The following SNX17 variants were observed in gnomAD, a reference collection of about 807,000 sequenced individuals.
The protein encoded by SNX17 is sorting nexin-17.
A neutral mutation model predicts 64.3 loss-of-function variants in SNX17; 35 were observed. The observed-to-expected ratio is 0.54, with a 90% CI of 0.42 to 0.72. The LOEUF is 0.72. Ranked by LOEUF, SNX17 falls within the 30% of genes least tolerant of loss-of-function variation. The pLI, the probability that SNX17 is intolerant of heterozygous loss-of-function variation, is 0.00. For synonymous variants in SNX17, 259 were observed against 230.2 expected (o/e 1.13, Z -1.13); for missense variants, 538 against 610.0 (o/e 0.88, Z 1.24).
intron 5 of SNX17, 56 bp downstream of exon 5, chr2:27,374,027 T>A: frequency 6.2e-7 from 1 of 1,610,134 alleles, no homozygotes. Flanking sequence ...GGTCCTGGGC[T>A]TGGAGAATGA....
intron 2 of SNX17, chr2:27,371,655 G>A (rs1682566284): frequency 7.7e-6 from 2 of 260,876 alleles, no homozygotes; most frequent in South Asian, 1.0e-4. Context: ...GGCTGTCAAA[G>A]CACATTCCTT....
At chr2:27,372,580 T>G in intron 2 of SNX17, 43 bp from the exon 3 acceptor site, 3 of 1,613,756 alleles carry the variant, frequency 1.9e-6, no homozygotes, top group Non-Finnish European at 2.5e-6. Flanking sequence ...CTCATCTCAT[T>G]TTCTGTGTTT....
Position 27,377,194 on chromosome 2 carries a change from G to A in SNX17, c.*475G>A. On this transcript the variant is annotated 3_prime_UTR_variant, in exon 15 of 15. Coordinates refer to ENST00000233575, the MANE Select transcript of SNX17 (RefSeq NM_014748.4). This position sits in a 1 kb window ranked among gnomAD's most constrained non-coding sequence, Gnocchi z 4.4. ...GCATGGACTACTATGCTAAGGGTAA[G>A]GCCAAATTGCCTGCCATTGCCAATT... 13 of 473,416 alleles carry A rather than the reference G, an allele frequency of 2.7e-5. No homozygotes were observed. Among genetic ancestry groups the A allele is most frequent in the South Asian group, 2.3e-4 (11 of 48,886 alleles). The allele number at this position is 473,416 out of a possible 1,614,324, so 29.3% of individuals were successfully genotyped here.
At chr2:27,374,018 G>T in intron 5 of SNX17, 47 bp downstream of exon 5, 1 of 1,609,082 alleles carries the variant, frequency 6.2e-7, no homozygotes, top group South Asian at 1.1e-5. Context: ...ACATCCTGGG[G>T]TCCTGGGCTT....
chr2:27,374,811 T>C (rs1683000973), intron 8 of SNX17, 53 bp downstream of exon 8: 19 of 1,538,874 alleles, frequency 1.2e-5, no homozygotes, highest in Non-Finnish European at 1.7e-5. Flanking sequence ...AACGGGTGAC[T>C]CACTCTCCCA....
chr2:27,371,599 A>G (rs1682555004), intron 2 of SNX17: 1 of 564,568 alleles, frequency 1.8e-6, no homozygotes, highest in African/African-American at 2.0e-5. Context: ...AGTAGCCTTT[A>G]CCCCTGCATG....
chr2:27,374,911 C>G, intron 8 of SNX17, 150 bp from the exon 9 acceptor site: 5 of 973,034 alleles, frequency 5.1e-6, no homozygotes, highest in Non-Finnish European at 6.4e-6. Context: ...ACTCTCCCTA[C>G]TTTTATTAAG....
chr2:27,370,875 C>G, intron 1 of SNX17, 69 bp downstream of exon 1: 1 of 1,496,190 alleles, frequency 6.7e-7, no homozygotes, highest in Admixed American at 2.1e-5. Flanking sequence ...CATCTCGGAG[C>G]GGCCTCTGAG....
At position 27,374,170 on chromosome 2, in the gene SNX17, T is replaced by C; in HGVS notation, c.518T>C (p.Phe173Ser). The C allele has an allele frequency of 6.2e-7, 1 of 1,613,808 alleles. No individual in the cohort carries two copies. Among genetic ancestry groups the C allele is most frequent in the Non-Finnish European group, 8.5e-7 (1 of 1,179,956 alleles). Reference protein sequence around the residue: ...FLVREKEDGAFSFVRKLQEFE... With the variant: ...FLVREKEDGASSFVRKLQEFE... ...GTTCGAGAAAAAGAGGATGGAGCCT[T>C]TTCTTGTGAGTTTCTCTGGACTTGA... Residue 173 changes from phenylalanine (F) to serine (S), a missense_variant, in exon 6 of 15, where the codon TTT becomes TCT. Coordinates refer to ENST00000233575, the MANE Select transcript of SNX17 (RefSeq NM_014748.4).
Position 27,375,017 on chromosome 2 carries a change from G to C in SNX17, c.682-44G>C. 6.4e-7 allele frequency: 1 copy of C among 1,561,374 alleles called. No homozygotes were observed. On this transcript the variant is annotated intron_variant, in intron 8 of 14. Coordinates refer to ENST00000233575, the MANE Select transcript of SNX17 (RefSeq NM_014748.4). The surrounding 1 kb of genome is among the most constrained non-coding windows in gnomAD (Gnocchi z 4.1). The stretch of plus-strand genomic sequence containing the variant: ...TAATGGTAGACGCTTTCCTTGGATT[G>C]CTGACTGGGACCTCCTACTGCCTGC...
At chr2:27,373,381 G>T in intron 4 of SNX17, 70 bp downstream of exon 4, 1 of 1,525,030 alleles carries the variant, frequency 6.6e-7, no homozygotes, top group South Asian at 1.1e-5. Context: ...TTATTTTTTT[G>T]AGACAGAGTC....
intron 1 of SNX17, 104 bp downstream of exon 1, chr2:27,370,910 G>A: frequency 1.5e-6 from 2 of 1,305,938 alleles, no homozygotes; most frequent in Non-Finnish European, 2.1e-6. Context: ...CTTCGGGCCT[G>A]GTCCTGGGCC....
At chr2:27,371,248 T>C in intron 1 of SNX17, 21 bp from the exon 2 acceptor site, 1 of 1,612,028 alleles carries the variant, frequency 6.2e-7, no homozygotes, top group Non-Finnish European at 8.5e-7. Context: ...CTAAAATGCT[T>C]GACTACTTTT....
Position 27,374,770 on chromosome 2 carries a change from G to A in SNX17, c.681+12G>A, listed in dbSNP as rs894528231. On this transcript the variant is annotated intron_variant, in intron 8 of 14. Transcript: ENST00000233575. ...TGCTTTATGCTCAGGTGAGCTTGGAGCTGCCTCAGAACCCTTCCCCTGAAG... is the reference window on the plus strand; with the variant it reads ...TGCTTTATGCTCAGGTGAGCTTGGAACTGCCTCAGAACCCTTCCCCTGAAG... The A allele has an allele frequency of 3.7e-6, 6 of 1,613,430 alleles. No homozygotes were observed. In the African/African-American group the frequency reaches 6.7e-5, roughly 18 times the overall value.
chr2:27,372,031 G>T (rs1361730842), intron 2 of SNX17, among the ~76,000 whole-genome samples: 1 of 152,100 alleles, frequency 6.6e-6, no homozygotes, highest in Non-Finnish European at 1.5e-5. Context: ...ATTACAGGCG[G>T]CTGCCTCCAC....
At chr2:27,376,548 G>GT in intron 14 of SNX17, 28 bp downstream of exon 14, 1 of 1,614,200 alleles carries the variant, frequency 6.2e-7, no homozygotes, top group Non-Finnish European at 8.5e-7. Flanking sequence ...TGAGGTTGCT[G>GT]TTTGTTGGGG....
rs764828898 is a variant in SNX17 at position 27,374,020 on chromosome 2, C to T, written c.432+49C>T. ...CCCTTCTTCCCCTACATCCTGGGGTCCTGGGCTTGGAGAATGATTGGAACC... is the reference window on the plus strand; with the variant it reads ...CCCTTCTTCCCCTACATCCTGGGGTTCTGGGCTTGGAGAATGATTGGAACC... On this transcript the variant is annotated intron_variant, in intron 5 of 14. Coordinates refer to ENST00000233575, the MANE Select transcript of SNX17 (RefSeq NM_014748.4). The T allele has an allele frequency of 4.4e-6, 7 of 1,604,598 alleles. No individual in the cohort carries two copies. The Admixed American group carries it at 1.2e-4, about 27-fold the overall frequency.
intron 4 of SNX17, 42 bp downstream of exon 4, chr2:27,373,353 G>A: frequency 1.9e-6 from 3 of 1,593,870 alleles, no homozygotes; most frequent in Non-Finnish European, 2.6e-6. Flanking sequence ...AAAGGACCTT[G>A]CTGGAAGGTC....
rs1683255990 is a variant in SNX17, at chr2:27,376,519, CAGTG to C, written c.1299+3_1299+6del. 6.2e-7 allele frequency: 1 copy of C among 1,614,160 alleles called. No individual in the cohort carries two copies. Among genetic ancestry groups the C allele is most frequent in the Non-Finnish European group, 8.5e-7 (1 of 1,180,024 alleles). ...ACCCGGGAGTCTATGGTCAAACTCT[CAGTG>C]AGTTCCAGCGTTGGTGAGGTTGCTG... On this transcript the variant is annotated splice_donor_variant and splice_donor_region_variant and coding_sequence_variant and intron_variant, in exon 14 of 15. Coordinates refer to ENST00000233575, the MANE Select transcript of SNX17 (RefSeq NM_014748.4). LOFTEE classifies it high-confidence loss of function.
Sources: allele counts gnomAD v4.1 joint callset (sites outside exome capture counted in the v4.1 genomes callset), GRCh38; gene constraint gnomAD v4.1.1; non-coding constraint Gnocchi (gnomAD v3.1); transcripts MANE v1.5; gene names NCBI Gene and HGNC (gene_info 2026-07-23, HGNC 2026-07-21).